Variants in SCNN1B observed in about 807,000 individuals in gnomAD.
SCNN1B encodes the protein epithelial sodium channel subunit beta.
SCNN1B carries 46 observed loss-of-function variants against 65.3 expected under a neutral mutation model. The observed-to-expected ratio is 0.70, with a 90% CI of 0.56 to 0.90. The LOEUF is 0.90. Among genes scored for constraint, SCNN1B ranks in the 40% least tolerant of loss-of-function variants. The pLI, the probability that SCNN1B is intolerant of heterozygous loss-of-function variation, is 0.00. For synonymous variants in SCNN1B, 349 were observed against 330.6 expected, an observed-to-expected ratio of 1.06 and a Z score of -0.60; for missense variants, 751 against 830.5, an observed-to-expected ratio of 0.90 and a Z score of 1.18.
At chr16:23,358,528 G>A (rs1962465692) in intron 4 of SCNN1B, 1 of 152,284 alleles carries the variant, frequency 6.6e-6, no homozygotes, top group African/African-American at 2.4e-5. Context: ...TGAATATTAA[G>A]TGAATTAATA....
chr16:23,281,392 C>G (rs1174677851), intron 1 of SCNN1B, among the ~76,000 whole-genome samples: 1 of 152,134 alleles, frequency 6.6e-6, no homozygotes, highest in African/African-American at 2.4e-5. Flanking sequence ...AAGACCACAC[C>G]ATTGCACTCC....
intron 1 of SCNN1B, among the ~76,000 whole-genome samples, chr16:23,332,386 G>A (rs749519967): frequency 1.4e-4 from 22 of 152,124 alleles, no homozygotes; most frequent in African/African-American, 4.6e-4. Context: ...TAGTAGAGAC[G>A]AGGTTTCACC....
intron 8 of SCNN1B, among the ~76,000 whole-genome samples, chr16:23,376,101 T>G (rs936576004): frequency 1.3e-5 from 2 of 152,272 alleles, no homozygotes; most frequent in Non-Finnish European, 2.9e-5. Context: ...AGAATGCACG[T>G]GTCCTTGTGG....
At chr16:23,366,004 G>A (rs1308506419) in intron 4 of SCNN1B, among the ~76,000 whole-genome samples, 3 of 152,168 alleles carry the variant, frequency 2.0e-5, no homozygotes, top group East Asian at 1.9e-4. Context: ...TGCCCTTGTG[G>A]GGTTATTTTG....
chr16:23,338,855 G>A (rs1027068049), intron 1 of SCNN1B, among the ~76,000 whole-genome samples: 2 of 152,218 alleles, frequency 1.3e-5, no homozygotes, highest in Admixed American at 6.5e-5. Context: ...ATGGATTAAA[G>A]TCTTTTGTTA....
intron 1 of SCNN1B, among the ~76,000 whole-genome samples, chr16:23,347,986 A>G (rs1056819719): frequency 6.6e-6 from 1 of 152,232 alleles, no homozygotes; most frequent in African/African-American, 2.4e-5. Flanking sequence ...TCAAGGTCAC[A>G]GTGGCCAGAG....
chr16:23,319,661 A>C (rs1477068387), intron 1 of SCNN1B, among the ~76,000 whole-genome samples: 1 of 152,176 alleles, frequency 6.6e-6, no homozygotes, highest in African/African-American at 2.4e-5. Flanking sequence ...GAAAGCCTAA[A>C]ATACTGCTGC....
At chr16:23,377,100 C>A in intron 8 of SCNN1B, 65 bp from the exon 9 acceptor site, 1 of 1,426,706 alleles carries the variant, frequency 7.0e-7, no homozygotes, top group African/African-American at 1.4e-5. Flanking sequence ...AGAGGCTCAG[C>A]AGGGAACAGG....
intron 4 of SCNN1B, among the ~76,000 whole-genome samples, chr16:23,360,112 A>G (rs949084544): frequency 1.3e-5 from 2 of 152,164 alleles, no homozygotes; most frequent in African/African-American, 4.8e-5. Context: ...CTGAGGTAGG[A>G]GGCTGAACCC....
chr16:23,297,956 A>G (rs903793749), upstream of SCNN1B, among the ~76,000 whole-genome samples: 25 of 152,334 alleles, frequency 1.6e-4, no homozygotes, highest in Non-Finnish European at 1.3e-4. Flanking sequence ...TCTTCTATGC[A>G]AAGTATTGTG....
At chr16:23,281,752 C>A (rs957432050) in intron 1 of SCNN1B, among the ~76,000 whole-genome samples, 1 of 152,188 alleles carries the variant, frequency 6.6e-6, no homozygotes, top group African/African-American at 2.4e-5. Context: ...CCTCCTGATT[C>A]TTCATTTAAC....
At chr16:23,362,553 G>A (rs1596874386) in intron 4 of SCNN1B, among the ~76,000 whole-genome samples, 1 of 152,280 alleles carries the variant, frequency 6.6e-6, no homozygotes, top group East Asian at 1.9e-4. Flanking sequence ...ACTGGTCTCT[G>A]TCTGCATGCC....
At chr16:23,353,593 G>C (rs762792055) in intron 3 of SCNN1B, among the ~76,000 whole-genome samples, 8 of 152,216 alleles carry the variant, frequency 5.3e-5, no homozygotes, top group Non-Finnish European at 8.8e-5. Context: ...GCTACAGCAG[G>C]GGCTCTCATG....
At chr16:23,353,545 A>G (rs1962356561) in intron 3 of SCNN1B, among the ~76,000 whole-genome samples, 1 of 152,220 alleles carries the variant, frequency 6.6e-6, no homozygotes, top group Non-Finnish European at 1.5e-5. Context: ...AAGAAGACTC[A>G]TTAGATCACA....
chr16:23,380,565 C>A lies in SCNN1B; in HGVS notation c.1687C>A (p.Arg563=). 1 of 1,614,184 alleles carries A rather than the reference C, an allele frequency of 6.2e-7. No individual in the cohort carries two copies. The highest frequency in any genetic ancestry group is 8.5e-7 in the Non-Finnish European group (1 of 1,180,028). Residue 563 remains arginine, a synonymous_variant, in exon 13 of 13, where the codon CGG becomes AGG. Coordinates refer to ENST00000343070, the MANE Select transcript of SCNN1B (RefSeq NM_000336.3). This position sits in a 1 kb window ranked among gnomAD's most constrained non-coding sequence, Gnocchi z 5.4. ...GCTGGTGGCCTTGGCCAAGAGCCTACGGCAGCGGCGAGCCCAAGCCAGCTA... is the reference window on the plus strand; with the variant it reads ...GCTGGTGGCCTTGGCCAAGAGCCTAAGGCAGCGGCGAGCCCAAGCCAGCTA... The part of the protein sequence containing the change: ...IKLVALAKSL[R]QRRAQASYAG...
At chr16:23,330,638 T>C (rs1596841775) in intron 1 of SCNN1B, among the ~76,000 whole-genome samples, 1 of 152,218 alleles carries the variant, frequency 6.6e-6, no homozygotes, top group Admixed American at 6.5e-5. Context: ...AGTGGCGCGA[T>C]CATAGTTCAC....
At chr16:23,327,811 C>T (rs74012882) in intron 1 of SCNN1B, among the ~76,000 whole-genome samples, 5,406 of 152,216 alleles carry the variant, frequency 0.036, 308 homozygotes, top group African/African-American at 0.12. Context: ...AAGATGGGTC[C>T]TCCAAAGGCC....
chr16:23,301,134 C>T (rs1381784871), upstream of SCNN1B, among the ~76,000 whole-genome samples: 1 of 151,878 alleles, frequency 6.6e-6, no homozygotes, highest in Non-Finnish European at 1.5e-5. Flanking sequence ...GAGCCCGAGG[C>T]GGGTGGATCA....
rs1210710158 is a variant in SCNN1B at position 23,348,743 on chromosome 16, G to A, written c.144G>A (p.Lys48=). The A allele has an allele frequency of 6.2e-7, 1 of 1,614,088 alleles. No homozygotes were observed. The highest frequency in any genetic ancestry group is 1.3e-5 in the African/African-American group (1 of 74,950). ...GCATCATCTGTGAGGGGCCCAAGAA[G>A]AAAGCCATGTGGTTCCTGCTCACCC... ...PKRIICEGPK[K]KAMWFLLTLL... Residue 48 remains lysine, a synonymous_variant, in exon 2 of 13, where the codon AAG becomes AAA. Coordinates refer to ENST00000343070, the MANE Select transcript of SCNN1B (RefSeq NM_000336.3). The surrounding 1 kb of genome is among the most constrained non-coding windows in gnomAD (Gnocchi z 4.5).
Sources: allele counts gnomAD v4.1 joint callset (sites outside exome capture counted in the v4.1 genomes callset), GRCh38; gene constraint gnomAD v4.1.1; non-coding constraint Gnocchi (gnomAD v3.1); transcripts MANE v1.5; gene names NCBI Gene and HGNC (gene_info 2026-07-23, HGNC 2026-07-21).